Variants in SH3D19 observed in about 807,000 individuals in gnomAD.
SH3D19 encodes the protein SH3 domain containing 19, also known as SH3 domain-containing protein 19.
SH3D19 carries 58 observed loss-of-function variants against 112.1 expected under a neutral mutation model. The ratio of observed to expected loss-of-function variants is 0.52; its 90% CI spans 0.42 to 0.64. The LOEUF is 0.64. Ranked by LOEUF, SH3D19 falls within the 30% of genes least tolerant of loss-of-function variation. The probability of loss-of-function intolerance (pLI) is 0.00; values close to 1 mark genes in which losing one functional copy is unlikely to be tolerated. For synonymous variants in SH3D19, 391 were observed against 448.5 expected, an observed-to-expected ratio of 0.87 and a Z score of 1.62; for missense variants, 1,090 against 1,263.4, an observed-to-expected ratio of 0.86 and a Z score of 2.08.
chr4:151,167,341 A>AT lies in SH3D19; in HGVS notation c.1535-1646dup, dbSNP rs777921163. Among the ~76,000 whole-genome samples the AT allele has an allele frequency of 1.1e-3, 174 of 151,924 alleles. 1 individual carries two copies. The highest frequency in any genetic ancestry group is 1.8e-3 in the Non-Finnish European group (124 of 67,942). On this transcript the variant is annotated intron_variant, in intron 7 of 19. Coordinates refer to ENST00000604030, the MANE Select transcript of SH3D19 (RefSeq NM_001378122.1). ...AGTACTTTTTTTACTTCACAGAAAT[A>AT]TTTGTTGTAAAAGTGAGAAACATTA...
At position 151,175,109 on chromosome 4, in the gene SH3D19, G is replaced by A. The variant is rs1449014798; in HGVS notation, c.1095C>T (p.Thr365=). 2.5e-6 allele frequency: 4 copies of A among 1,614,126 alleles called. No homozygotes were observed. The South Asian group carries it at 3.3e-5, about 13-fold the overall frequency. The change falls in exon 7 of 20, where the codon ACC becomes ACT. Residue 365 remains threonine, a synonymous_variant. Transcript: ENST00000604030. ...RLKVTSKEGL[T]PYPPLQEAGS... ...CCGCTTCTTGCAGGGGAGGGTATGG[G>A]GTGAGTCCTTCCTTGGAGGTCACCT...
At chr4:151,283,316 TA>T (rs1473259677) in intron 1 of SH3D19, 7 of 1,601,278 alleles carry the variant, frequency 4.4e-6, no homozygotes, top group Non-Finnish European at 6.0e-6. Flanking sequence ...AATTTTTTTT[TA>T]AACATGAGAT....
chr4:151,288,664 A>G (rs1372077309), intron 1 of SH3D19, among the ~76,000 whole-genome samples: 4 of 151,580 alleles, frequency 2.6e-5, no homozygotes, highest in African/African-American at 9.7e-5. Context: ...ACGAAGCGAG[A>G]CTCTGTCTTA....
chr4:151,250,404 T>G (rs1012089894), intron 1 of SH3D19, among the ~76,000 whole-genome samples: 1 of 152,080 alleles, frequency 6.6e-6, no homozygotes, highest in African/African-American at 2.4e-5. Context: ...TGTTTTCCTG[T>G]GATGAAAATA....
intron 1 of SH3D19, among the ~76,000 whole-genome samples, chr4:151,245,156 TAA>T (rs1277477702): frequency 1.3e-5 from 2 of 150,418 alleles, no homozygotes; most frequent in Non-Finnish European, 2.9e-5. Flanking sequence ...AAAAATAAAA[TAA>T]AATAAAATAA....
At chr4:151,266,756 T>C (rs1254647935) in intron 1 of SH3D19, among the ~76,000 whole-genome samples, 1 of 152,210 alleles carries the variant, frequency 6.6e-6, no homozygotes, top group Non-Finnish European at 1.5e-5. Flanking sequence ...AAGTGAATTC[T>C]CTGGATAACA....
chr4:151,325,388 C>T lies in SH3D19; in HGVS notation c.-36G>A. The T allele has an allele frequency of 9.2e-7, 1 of 1,091,352 alleles. No individual in the cohort carries two copies. The highest frequency in any genetic ancestry group is 1.1e-6 in the Non-Finnish European group (1 of 869,832). 67.6% of individuals were successfully genotyped at this position (1,091,352 alleles called of 1,614,324 possible). A position where few individuals can be genotyped will look rare whatever the true frequency, so the allele number is the denominator to read the frequency against. ...CGGGGCGCAGCCGCGGGATGGCCAG[C>T]GAGCTGCGGCCCCGGCGCCCCAGAA... On this transcript the variant is annotated 5_prime_UTR_variant, in exon 1 of 20. Transcript: ENST00000604030.
chr4:151,199,810 A>C (rs1386982773), intron 2 of SH3D19, among the ~76,000 whole-genome samples: 1 of 152,158 alleles, frequency 6.6e-6, no homozygotes, highest in Non-Finnish European at 1.5e-5. Context: ...GTATAATCCC[A>C]ATGTTATTTG....
Position 151,282,399 on chromosome 4 carries a change from T to C in SH3D19, c.112+42842A>G, listed in dbSNP as rs771091556. On this transcript the variant is annotated intron_variant, in intron 1 of 19. Transcript: ENST00000604030. The stretch of plus-strand genomic sequence containing the variant: ...TGTTGGGTGACCGGATGGGGAAAAG[T>C]TAAGGAAAGTTCAGGTGAGAATGGG... 4 of 1,613,732 alleles carry C rather than the reference T, an allele frequency of 2.5e-6. No homozygotes were observed. The African/African-American group carries it at 5.3e-5, about 22-fold the overall frequency.
At chr4:151,237,519 G>A (rs1450501163) in intron 1 of SH3D19, among the ~76,000 whole-genome samples, 2 of 115,658 alleles carry the variant, frequency 1.7e-5, no homozygotes, top group East Asian at 2.8e-4. Context: ...GGAACTCTAG[G>A]TCAGACAGGC....
rs189109393 is a variant in SH3D19 at position 151,313,992 on chromosome 4, T to C, written c.112+11249A>G. Among the ~76,000 whole-genome samples, 486 of 152,356 alleles carry C rather than the reference T, an allele frequency of 3.2e-3. 3 individuals are homozygous for C. The highest frequency in any genetic ancestry group is 0.011 in the African/African-American group (460 of 41,588). On this transcript the variant is annotated intron_variant, in intron 1 of 19. Transcript: ENST00000604030. ...CACATCTTGTACAAACATTTTCTTCTGAGCCCTTTGTTCTTGGCCAGCTCT... is the reference window on the plus strand; with the variant it reads ...CACATCTTGTACAAACATTTTCTTCCGAGCCCTTTGTTCTTGGCCAGCTCT...
At chr4:151,191,523 T>C (rs1382592222) in intron 2 of SH3D19, among the ~76,000 whole-genome samples, 2 of 152,166 alleles carry the variant, frequency 1.3e-5, no homozygotes, top group African/African-American at 4.8e-5. Flanking sequence ...GTTCTCATGA[T>C]AGTGAATAAG....
At chr4:151,253,798 A>G (rs1475643453) in intron 1 of SH3D19, among the ~76,000 whole-genome samples, 1 of 152,050 alleles carries the variant, frequency 6.6e-6, no homozygotes, top group Non-Finnish European at 1.5e-5. Flanking sequence ...AGCACTTGTC[A>G]TGTTCTGACT....
At chr4:151,318,316 A>G (rs982763816) in intron 1 of SH3D19, among the ~76,000 whole-genome samples, 2 of 151,138 alleles carry the variant, frequency 1.3e-5, no homozygotes, top group African/African-American at 4.8e-5. Flanking sequence ...AAAAAAAAAA[A>G]AAAAAGAAAG....
At chr4:151,311,369 C>A (rs1250938885) in intron 1 of SH3D19, among the ~76,000 whole-genome samples, 1 of 151,806 alleles carries the variant, frequency 6.6e-6, no homozygotes, top group Non-Finnish European at 1.5e-5. Flanking sequence ...GCACTCCAGC[C>A]TGGGTGACAC....
intron 12 of SH3D19, among the ~76,000 whole-genome samples, chr4:151,143,048 G>C (rs1753281871): frequency 6.6e-6 from 1 of 152,026 alleles, no homozygotes; most frequent in African/African-American, 2.4e-5. Flanking sequence ...ACCAGCCCTG[G>C]CAACATAGTG....
chr4:151,169,169 T>A (rs533606427), intron 7 of SH3D19, among the ~76,000 whole-genome samples: 2 of 152,240 alleles, frequency 1.3e-5, no homozygotes, highest in Non-Finnish European at 2.9e-5. Flanking sequence ...GTATAACTTA[T>A]GAAGTATTCA....
chr4:151,131,414 T>G (rs1211963646), intron 17 of SH3D19, among the ~76,000 whole-genome samples: 3 of 152,128 alleles, frequency 2.0e-5, no homozygotes, highest in African/African-American at 7.2e-5. Flanking sequence ...ATATATTTTC[T>G]TGATTATTAG....
At chr4:151,198,389 T>A (rs2407421) in intron 2 of SH3D19, among the ~76,000 whole-genome samples, 117,341 of 141,334 alleles carry the variant, frequency 0.83, 50,281 homozygotes, top group Non-Finnish European at 0.95. Context: ...ATATAATATA[T>A]AATATATATC....
Sources: gnomAD v4.1 joint callset for allele counts (sites outside exome capture counted in the v4.1 genomes callset) on GRCh38, gnomAD v4.1.1 for gene constraint, MANE v1.5 for transcripts, NCBI Gene and HGNC (gene_info 2026-07-23, HGNC 2026-07-21) for gene names.